SLC2A13: variants seen among roughly 807,000 people sequenced by gnomAD.
The protein encoded by SLC2A13 is proton myo-inositol cotransporter.
SLC2A13 carries 32 observed loss-of-function variants against 64.4 expected under a neutral mutation model. The ratio of observed to expected loss-of-function variants is 0.50; its 90% CI spans 0.37 to 0.67. SLC2A13 has a LOEUF of 0.67. Among genes scored for constraint, SLC2A13 ranks in the 30% least tolerant of loss-of-function variants. SLC2A13 has a pLI of 0.00. For missense variants in SLC2A13, 743 were observed against 829.2 expected, an observed-to-expected ratio of 0.90 and a Z score of 1.28; for synonymous variants, 338 against 327.1, an observed-to-expected ratio of 1.03 and a Z score of -0.36.
intron 5 of SLC2A13, among the ~76,000 whole-genome samples, chr12:39,871,350 T>A (rs1479862411): frequency 5.3e-5 from 8 of 151,426 alleles, no homozygotes; most frequent in South Asian, 4.2e-4. Context: ...AGAAATTACA[T>A]GGTTCTAATA....
intron 2 of SLC2A13, among the ~76,000 whole-genome samples, chr12:40,031,173 T>A (rs1180881839): frequency 3.9e-5 from 6 of 152,202 alleles, no homozygotes; most frequent in Non-Finnish European, 7.3e-5. Context: ...TCACTTCAGC[T>A]CCGGGCATAC....
At position 39,826,854 on chromosome 12, in the gene SLC2A13, A is replaced by ATTTTTTTT. The variant is rs63699664; in HGVS notation, c.1445+3241_1445+3248dup. 1.2e-3 allele frequency among the ~76,000 whole-genome samples: 79 copies of ATTTTTTTT among 67,388 alleles called. 15 individuals are homozygous for ATTTTTTTT. The highest frequency in any genetic ancestry group is 3.0e-3 in the African/African-American group (43 of 14,380). 44.2% of individuals were successfully genotyped at this position (67,388 alleles called of 152,430 possible). On this transcript the variant is annotated intron_variant, in intron 7 of 9. Transcript: ENST00000280871. ...TTTATTTCTTTTAAAGTCTCTTTCA[A>ATTTTTTTT]TTTTTTTTTTTTTTTTTTGCAATGC...
Position 39,907,340 on chromosome 12 carries a change from G to T in SLC2A13, c.1035-35379C>A, listed in dbSNP as rs115212199. 2.7e-3 allele frequency among the ~76,000 whole-genome samples: 406 copies of T among 152,182 alleles called. 1 individual carries two copies. Among genetic ancestry groups the T allele is most frequent in the African/African-American group, 9.4e-3 (392 of 41,532 alleles). ...TGAGCAAATTTAAATTGTTCATGCT[G>T]ATTTTCCTAATTTTCTCAATGAAGA... On this transcript the variant is annotated intron_variant, in intron 4 of 9. Coordinates refer to ENST00000280871, the MANE Select transcript of SLC2A13 (RefSeq NM_052885.4).
intron 6 of SLC2A13, among the ~76,000 whole-genome samples, chr12:39,834,601 T>C (rs531394625): frequency 6.6e-6 from 1 of 152,128 alleles, no homozygotes; most frequent in Non-Finnish European, 1.5e-5. Flanking sequence ...TACCATTTCG[T>C]TCAGGGAAAG....
intron 6 of SLC2A13, among the ~76,000 whole-genome samples, chr12:39,847,762 T>C (rs116831419): frequency 2.1e-3 from 313 of 152,276 alleles, no homozygotes; most frequent in African/African-American, 7.2e-3. Flanking sequence ...TTCTGTAATA[T>C]ACAGCCTACC....
chr12:39,881,248 G>A (rs546365791), intron 4 of SLC2A13, among the ~76,000 whole-genome samples: 11 of 152,004 alleles, frequency 7.2e-5, no homozygotes, highest in East Asian at 1.9e-4. Context: ...TTGCCCTTGG[G>A]TTTCTTCATA....
chr12:39,994,382 CAAA>C (rs367976830), intron 3 of SLC2A13, among the ~76,000 whole-genome samples: 1 of 82,268 alleles, frequency 1.2e-5, no homozygotes, highest in African/African-American at 5.1e-5. Flanking sequence ...GACTCCATCT[CAAA>C]AAAAAAAAAA....
intron 7 of SLC2A13, among the ~76,000 whole-genome samples, chr12:39,771,389 G>A (rs189759195): frequency 1.3e-5 from 2 of 152,252 alleles, no homozygotes; most frequent in East Asian, 1.9e-4. Context: ...GAAGCAAGTC[G>A]CCATGCTGTA....
chr12:39,893,957 T>G (rs1056506955), intron 4 of SLC2A13, among the ~76,000 whole-genome samples: 2 of 152,210 alleles, frequency 1.3e-5, no homozygotes, highest in African/African-American at 4.8e-5. Flanking sequence ...TAGTAGGAAG[T>G]AACACAGATG....
At chr12:39,766,971 A>T (rs1940375345) in intron 7 of SLC2A13, among the ~76,000 whole-genome samples, 1 of 152,080 alleles carries the variant, frequency 6.6e-6, no homozygotes, top group South Asian at 2.1e-4. Flanking sequence ...ACTTCTTGCA[A>T]ACTTCCAAAC....
intron 6 of SLC2A13, among the ~76,000 whole-genome samples, chr12:39,854,826 G>T (rs978765786): frequency 6.6e-6 from 1 of 152,114 alleles, no homozygotes; most frequent in Non-Finnish European, 1.5e-5. Context: ...GGGCAAATCT[G>T]TTTTCCGCTT....
intron 4 of SLC2A13, among the ~76,000 whole-genome samples, chr12:39,906,915 A>G (rs980458993): frequency 3.9e-5 from 6 of 152,186 alleles, no homozygotes; most frequent in African/African-American, 1.4e-4. Context: ...AAGGTCCATT[A>G]GGAAGCAAAA....
At chr12:40,001,980 T>G (rs1322988305) in intron 3 of SLC2A13, among the ~76,000 whole-genome samples, 1 of 152,148 alleles carries the variant, frequency 6.6e-6, no homozygotes, top group African/African-American at 2.4e-5. Context: ...ACCTAGCAAA[T>G]AGATGATTTT....
At chr12:40,051,948 C>T (rs10784359) in intron 1 of SLC2A13, among the ~76,000 whole-genome samples, 53,763 of 151,906 alleles carry the variant, frequency 0.35, 9,983 homozygotes, top group Non-Finnish European at 0.42. Flanking sequence ...GGAAGCAACA[C>T]GTACAGTGGC....
At chr12:40,030,444 G>A (rs1310600438) in intron 2 of SLC2A13, among the ~76,000 whole-genome samples, 1 of 152,084 alleles carries the variant, frequency 6.6e-6, no homozygotes, top group African/African-American at 2.4e-5. Flanking sequence ...ATTTAAAAGG[G>A]ATTTTTCAAG....
At chr12:39,830,644 C>G (rs1290619734) in intron 6 of SLC2A13, among the ~76,000 whole-genome samples, 1 of 152,134 alleles carries the variant, frequency 6.6e-6, no homozygotes, top group Non-Finnish European at 1.5e-5. Flanking sequence ...ACCTCATACA[C>G]CATCTATTTT....
At chr12:39,868,207 G>A (rs1943955706) in intron 5 of SLC2A13, among the ~76,000 whole-genome samples, 1 of 152,114 alleles carries the variant, frequency 6.6e-6, no homozygotes, top group Admixed American at 6.5e-5. Flanking sequence ...GTTTTGGCAT[G>A]TTCTTTATGT....
intron 7 of SLC2A13, among the ~76,000 whole-genome samples, chr12:39,817,077 T>C (rs1286723271): frequency 6.6e-6 from 1 of 152,210 alleles, no homozygotes; most frequent in African/African-American, 2.4e-5. Flanking sequence ...TGTATCCTTC[T>C]CTTTTCATAA....
At chr12:40,009,693 C>G (rs1481635651) in intron 3 of SLC2A13, among the ~76,000 whole-genome samples, 1 of 152,110 alleles carries the variant, frequency 6.6e-6, no homozygotes, top group Non-Finnish European at 1.5e-5. Context: ...TTGGCCTCCC[C>G]AAAAGTGCTA....
Sources: gnomAD v4.1 joint callset for allele counts (sites outside exome capture counted in the v4.1 genomes callset) on GRCh38, gnomAD v4.1.1 for gene constraint, MANE v1.5 for transcripts, NCBI Gene and HGNC (gene_info 2026-07-23, HGNC 2026-07-21) for gene names.